Variants in GARIN5A observed in about 807,000 individuals in gnomAD.
GARIN5A encodes the protein golgi associated RAB2 interactor 5A.
At chr19:50,472,100 A>ATG in the GARIN5A span, among the ~76,000 whole-genome samples, 2 of 144,756 alleles carry the variant, frequency 1.4e-5, no homozygotes, top group African/African-American at 5.4e-5. Flanking sequence ...ATGTATATGT[A>ATG]TATATACGTG....
At chr19:50,472,107 C>CGT in the GARIN5A span, among the ~76,000 whole-genome samples, 2 of 124,626 alleles carry the variant, frequency 1.6e-5, no homozygotes, top group Non-Finnish European at 3.3e-5. Flanking sequence ...TGTATATATA[C>CGT]GTGTGTATAT....
At chr19:50,472,001 T>C in the GARIN5A span, among the ~76,000 whole-genome samples, 12,106 of 149,992 alleles carry the variant, frequency 0.081, 674 homozygotes, top group African/African-American at 0.14. Flanking sequence ...TATATACGTG[T>C]ATGTATATAT....
At chr19:50,471,414 G>A in the GARIN5A span, among the ~76,000 whole-genome samples, 22 of 152,004 alleles carry the variant, frequency 1.4e-4, no homozygotes, top group African/African-American at 4.3e-4. Context: ...GACTACAGGC[G>A]CCCATCATCA....
At chr19:50,475,436 A>G in the GARIN5A span, 3 of 1,608,070 alleles carry the variant, frequency 1.9e-6, no homozygotes, top group Non-Finnish European at 2.5e-6. Flanking sequence ...CTCGTTGGCA[A>G]CTTCTCCCAA....
chr19:50,475,347 TCTC>T, the GARIN5A span: 2 of 1,600,588 alleles, frequency 1.2e-6, no homozygotes, highest in Admixed American at 1.7e-5. Context: ...AGGTGTCCGT[TCTC>T]CTTGGCAGGG....
chr19:50,472,759 G>A, the GARIN5A span, among the ~76,000 whole-genome samples: 1 of 152,026 alleles, frequency 6.6e-6, no homozygotes. Flanking sequence ...GCCAGGTGTG[G>A]GTGGTGCACA....
chr19:50,474,490 C>T, the GARIN5A span, among the ~76,000 whole-genome samples: 33,126 of 151,862 alleles, frequency 0.22, 4,259 homozygotes, highest in Non-Finnish European at 0.29. Context: ...GGACTACAGG[C>T]GCTCACCACC....
At chr19:50,476,044 T>C in the GARIN5A span, 3 of 1,605,046 alleles carry the variant, frequency 1.9e-6, no homozygotes, top group Non-Finnish European at 2.6e-6. Flanking sequence ...GAGGACGGGG[T>C]ATCAGATGCC....
chr19:50,467,475 T>C, the GARIN5A span: 4 of 916,502 alleles, frequency 4.4e-6, no homozygotes, highest in Non-Finnish European at 6.5e-6. Context: ...ACCCAAGCTC[T>C]CTCCTCTCTT....
At chr19:50,475,092 G>A in the GARIN5A span, among the ~76,000 whole-genome samples, 1 of 152,212 alleles carries the variant, frequency 6.6e-6, no homozygotes, top group African/African-American at 2.4e-5. Flanking sequence ...TCTCCTGACC[G>A]CTGCTGGGGC....
At chr19:50,472,327 A>G in the GARIN5A span, among the ~76,000 whole-genome samples, 24 of 143,840 alleles carry the variant, frequency 1.7e-4, no homozygotes, top group South Asian at 1.3e-3. Context: ...GTGTATATAT[A>G]TATCTCTCTG....
At chr19:50,468,363 CAAAA>C in the GARIN5A span, among the ~76,000 whole-genome samples, 5 of 77,060 alleles carry the variant, frequency 6.5e-5, no homozygotes, top group Non-Finnish European at 4.8e-5. Context: ...GACTGTGTCT[CAAAA>C]AAAAAAAAAA....
the GARIN5A span, among the ~76,000 whole-genome samples, chr19:50,471,985 T>G: frequency 2.7e-5 from 4 of 149,876 alleles, no homozygotes; most frequent in African/African-American, 1.0e-4. Context: ...TATGTGTGTA[T>G]ATGTATATAT....
chr19:50,476,193 G>T, the GARIN5A span: 3 of 1,613,734 alleles, frequency 1.9e-6, no homozygotes, highest in Admixed American at 1.7e-5. Context: ...CCGCGATCCC[G>T]CCTCATTGCA....
chr19:50,475,657 C>T, the GARIN5A span, among the ~76,000 whole-genome samples: 2,857 of 152,096 alleles, frequency 0.019, 33 homozygotes, highest in Non-Finnish European at 0.029. Flanking sequence ...GAGTTACAGG[C>T]CAGGGTTCAC....
chr19:50,470,192 G>C, the GARIN5A span, among the ~76,000 whole-genome samples: 2 of 152,202 alleles, frequency 1.3e-5, no homozygotes, highest in African/African-American at 4.8e-5. Context: ...GTCTAAGACA[G>C]CAGAGCACGT....
chr19:50,467,461 C>T, the GARIN5A span: 6 of 817,030 alleles, frequency 7.3e-6, no homozygotes, highest in Non-Finnish European at 1.1e-5. Flanking sequence ...CCCAGGAGTC[C>T]AGGACCCAAG....
chr19:50,471,624 G>A, the GARIN5A span, among the ~76,000 whole-genome samples: 517 of 151,914 alleles, frequency 3.4e-3, 5 homozygotes, highest in African/African-American at 0.012. Flanking sequence ...GTATATATAT[G>A]TGTGTATACA....
the GARIN5A span, chr19:50,476,312 A>AAG: frequency 6.3e-7 from 1 of 1,594,246 alleles, no homozygotes; most frequent in African/African-American, 1.3e-5. Flanking sequence ...GACGTCACAC[A>AAG]AGAGCGGGCT....
Sources: gnomAD v4.1 joint callset for allele counts (sites outside exome capture counted in the v4.1 genomes callset) on GRCh38, gnomAD v4.1.1 for gene constraint, MANE v1.5 for transcripts, NCBI Gene and HGNC (gene_info 2026-07-23, HGNC 2026-07-21) for gene names.